The following UNC79 variants were observed in gnomAD, a reference collection of about 807,000 sequenced individuals.
UNC79 encodes the protein protein unc-79 homolog.
In UNC79, 37 loss-of-function variants were observed where a neutral mutation model predicts 283.1. The observed-to-expected ratio is 0.13, with a 90% CI of 0.10 to 0.17. The LOEUF (loss-of-function observed/expected upper bound fraction) is 0.17. Among genes scored for constraint, UNC79 ranks in the 10% least tolerant of loss-of-function variants. The pLI, the probability that UNC79 is intolerant of heterozygous loss-of-function variation, is 1.00. For missense variants in UNC79, 2,272 were observed against 3,211.1 expected, an observed-to-expected ratio of 0.71 and a Z score of 7.07; for synonymous variants, 1,107 against 1,200.2, an observed-to-expected ratio of 0.92 and a Z score of 1.61.
At chr14:93,602,226 A>G (rs1322335397) in intron 25 of UNC79, among the ~76,000 whole-genome samples, 1 of 152,162 alleles carries the variant, frequency 6.6e-6, no homozygotes, top group African/African-American at 2.4e-5. Flanking sequence ...TAGAATTTTT[A>G]CGGTTTCAGA....
intron 1 of UNC79, among the ~76,000 whole-genome samples, chr14:93,371,555 T>A (rs1282497232): frequency 6.6e-6 from 1 of 151,850 alleles, no homozygotes; most frequent in Non-Finnish European, 1.5e-5. Flanking sequence ...AAGATAAGAA[T>A]TACAGCCGGG....
chr14:93,447,712 T>G (rs1391248817), intron 1 of UNC79, among the ~76,000 whole-genome samples: 2 of 152,138 alleles, frequency 1.3e-5, no homozygotes, highest in Non-Finnish European at 2.9e-5. Flanking sequence ...TCTGAAAAAG[T>G]CTTTATTTTG....
At chr14:93,436,930 T>A (rs2056103787) in intron 1 of UNC79, among the ~76,000 whole-genome samples, 1 of 152,090 alleles carries the variant, frequency 6.6e-6, no homozygotes, top group Admixed American at 6.6e-5. Context: ...TGAGTCTCAT[T>A]TGATATTTGA....
At chr14:93,492,762 G>T (rs1352328761) in intron 5 of UNC79, among the ~76,000 whole-genome samples, 2 of 152,320 alleles carry the variant, frequency 1.3e-5, no homozygotes, top group Non-Finnish European at 2.9e-5. Context: ...TCTGAACAAC[G>T]TTCATATAGC....
chr14:93,454,165 C>T (rs1472051242), intron 1 of UNC79, among the ~76,000 whole-genome samples: 1 of 151,890 alleles, frequency 6.6e-6, no homozygotes, highest in African/African-American at 2.4e-5. Flanking sequence ...ACCTCAGTCT[C>T]CCAAGTAGCT....
intron 1 of UNC79, among the ~76,000 whole-genome samples, chr14:93,417,377 C>T (rs2055486092): frequency 6.6e-6 from 1 of 152,196 alleles, no homozygotes; most frequent in African/African-American, 2.4e-5. Flanking sequence ...TGTAGAGTTT[C>T]TGCCGAGAGA....
chr14:93,559,550 TAC>T (rs749531752), intron 14 of UNC79, among the ~76,000 whole-genome samples: 27 of 151,732 alleles, frequency 1.8e-4, no homozygotes, highest in Non-Finnish European at 3.1e-4. Flanking sequence ...AGTGGAAAAT[TAC>T]AGTCAAAGGG....
rs147814283 is a variant in UNC79, at chr14:93,410,419, G to A, written c.-350-57252G>A. On this transcript the variant is annotated intron_variant, in intron 1 of 49. Coordinates refer to the UNC79 transcript ENST00000256339. ...GAACTCCTGGGTGAGTCCTAGTGCT[G>A]AACTGGTATCAGAGCCAGTGGACTT... is the stretch of plus-strand genomic sequence containing the variant. Among the ~76,000 whole-genome samples the A allele has an allele frequency of 7.2e-4, 110 of 152,260 alleles. No individual in the cohort carries two copies. The Middle Eastern group carries it at 0.014, about 19-fold the overall frequency.
chr14:93,403,283 C>A (rs1038591371), intron 1 of UNC79, among the ~76,000 whole-genome samples: 1 of 152,220 alleles, frequency 6.6e-6, no homozygotes. Flanking sequence ...CTTTGTCCTG[C>A]AGCTGTGAAG....
In UNC79 at chr14:93,477,745, C is replaced by T; in HGVS notation, c.619+17C>T. 6.3e-7 allele frequency: 1 copy of T among 1,595,636 alleles called. No homozygotes were observed. Among genetic ancestry groups the T allele is most frequent in the Non-Finnish European group, 8.5e-7 (1 of 1,171,690 alleles). ...TGGCTATATGTAAGTCCAATCTTAC[C>T]TAATACTAGATTATTTTTATGTATG... On this transcript the variant is annotated intron_variant, in intron 4 of 48. Coordinates refer to ENST00000555664, the Ensembl canonical transcript of UNC79.
chr14:93,346,222 G>A (rs968574666), intron 1 of UNC79, among the ~76,000 whole-genome samples: 4 of 152,120 alleles, frequency 2.6e-5, no homozygotes, highest in African/African-American at 4.8e-5. Flanking sequence ...AGGAACAGAG[G>A]AATCCAGAGA....
chr14:93,458,850 A>C (rs2056864804), intron 1 of UNC79, among the ~76,000 whole-genome samples: 2 of 152,250 alleles, frequency 1.3e-5, no homozygotes. Flanking sequence ...AGGATCTTAA[A>C]GTGTTGTTAG....
chr14:93,683,857 A>AC (rs1555403579), intron 42 of UNC79, among the ~76,000 whole-genome samples: 2,018 of 151,920 alleles, frequency 0.013, 30 homozygotes, highest in Middle Eastern at 0.058. Flanking sequence ...AAAAAAAAAA[A>AC]ACACACACTT....
intron 5 of UNC79, among the ~76,000 whole-genome samples, chr14:93,493,011 T>C (rs1307314724): frequency 6.6e-6 from 1 of 152,086 alleles, no homozygotes; most frequent in East Asian, 1.9e-4. Context: ...GAGAAGACAA[T>C]CAAATAATCA....
intron 39 of UNC79, among the ~76,000 whole-genome samples, chr14:93,660,516 A>C: frequency 1.1e-5 from 1 of 90,030 alleles, no homozygotes; most frequent in Non-Finnish European, 2.1e-5. Flanking sequence ...TTTCAAGACA[A>C]TAGCATATAT....
Position 93,690,425 on chromosome 14 carries a change from A to G in UNC79, c.7272+122A>G. ...TATCATTTGCCCTCCTGTGGATGTT[A>G]GAAACACAACTTTGTGCTAATGTCT... On this transcript the variant is annotated intron_variant, in intron 45 of 48. Coordinates refer to ENST00000555664, the Ensembl canonical transcript of UNC79. The surrounding 1 kb of genome is among the most constrained non-coding windows in gnomAD (Gnocchi z 4.3). The G allele has an allele frequency of 8.7e-7, 1 of 1,146,214 alleles. No individual in the cohort carries two copies. Among genetic ancestry groups the G allele is most frequent in the Non-Finnish European group, 1.2e-6 (1 of 827,430 alleles). 71.0% of individuals were successfully genotyped at this position (1,146,214 alleles called of 1,614,324 possible). A position where few individuals can be genotyped will look rare whatever the true frequency, so the allele number is the denominator to read the frequency against.
In UNC79 at chr14:93,641,256, G is replaced by A. The variant is rs371324493; in HGVS notation, c.5903+9G>A. The A allele has an allele frequency of 3.5e-5, 56 of 1,608,484 alleles. No homozygotes were observed. Among genetic ancestry groups the A allele is most frequent in the Middle Eastern group, 1.6e-4 (1 of 6,074 alleles). ...ACGGTGATGACGGACAAGTAAGCTC[G>A]CACAGTTATTTTCTTCACCATGTTT... On this transcript the variant is annotated intron_variant, in intron 33 of 48. Coordinates refer to ENST00000555664, the Ensembl canonical transcript of UNC79.
In UNC79 at chr14:93,625,634, C is replaced by T. The variant is rs186855017; in HGVS notation, c.5608+2793C>T. 1.6e-3 allele frequency among the ~76,000 whole-genome samples: 250 copies of T among 152,230 alleles called. 2 individuals are homozygous for T. Among genetic ancestry groups the T allele is most frequent in the African/African-American group, 5.8e-3 (241 of 41,490 alleles). ...ATCCTCTGATTACCATTTCTTCTCT[C>T]CCTGGACAATTGTGTATTGATCCAA... On this transcript the variant is annotated intron_variant, in intron 30 of 48. Transcript: ENST00000555664.
At chr14:93,647,749 T>C (rs1008182659) in intron 35 of UNC79, among the ~76,000 whole-genome samples, 1 of 152,182 alleles carries the variant, frequency 6.6e-6, no homozygotes, top group Non-Finnish European at 1.5e-5. Context: ...ATTAGTCCAC[T>C]TTCACACTGC....
Sources: gnomAD v4.1 joint callset for allele counts (sites outside exome capture counted in the v4.1 genomes callset) on GRCh38, gnomAD v4.1.1 for gene constraint, Gnocchi (gnomAD v3.1) non-coding constraint, MANE v1.5 for transcripts, NCBI Gene and HGNC (gene_info 2026-07-23, HGNC 2026-07-21) for gene names.